Variants in LRRC51 observed in about 807,000 individuals in gnomAD.
LRRC51 encodes leucine rich repeat containing 51, also known as leucine-rich repeat-containing protein 51.
LRRC51 carries 8 observed loss-of-function variants against 17.8 expected under a neutral mutation model. The ratio of observed to expected loss-of-function variants is 0.45; its 90% CI spans 0.26 to 0.81. The LOEUF is 0.81. Among genes scored for constraint, LRRC51 ranks in the 30% least tolerant of loss-of-function variants. LRRC51 has a pLI of 0.17. For missense variants in LRRC51, 233 were observed against 239.3 expected, an observed-to-expected ratio of 0.97 and a Z score of 0.17; for synonymous variants, 92 against 96.0, an observed-to-expected ratio of 0.96 and a Z score of 0.24.
At chr11:72,094,284 CAAA>C (rs1280494529) in intron 4 of LRRC51, among the ~76,000 whole-genome samples, 6 of 81,274 alleles carry the variant, frequency 7.4e-5, no homozygotes, top group Non-Finnish European at 7.8e-5. Flanking sequence ...GACTCCGTCT[CAAA>C]AAAAAAAAAA....
chr11:72,092,004 T>A (rs1944890925), intron 3 of LRRC51, among the ~76,000 whole-genome samples: 1 of 152,218 alleles, frequency 6.6e-6, no homozygotes, highest in South Asian at 2.1e-4. Context: ...TTTCAGTCCT[T>A]ACCTCCCTGG....
At chr11:72,084,947 T>G (rs1270525138) in intron 1 of LRRC51, among the ~76,000 whole-genome samples, 1 of 149,724 alleles carries the variant, frequency 6.7e-6, no homozygotes, top group African/African-American at 2.5e-5. Flanking sequence ...ATTCCCAAAC[T>G]GTTAATGGAG....
Position 72,094,951 on chromosome 11 carries a change from C to T in LRRC51, c.292C>T (p.Leu98=). The change falls in exon 5 of 6, where the codon CTA becomes TTA. Residue 98 remains leucine, a synonymous_variant. Coordinates refer to ENST00000289488, the MANE Select transcript of LRRC51 (RefSeq NM_145309.6). ...FNDLTSIDPV[L]TTFFNLSVLY... ...TTTTGGTTTCCCTCCCCAACAGGTC[C>T]TAACAACTTTCTTCAACCTGAGTGT... 6.2e-7 allele frequency: 1 copy of T among 1,614,068 alleles called. No homozygotes were observed. The highest frequency in any genetic ancestry group is 1.1e-5 in the South Asian group (1 of 91,048).
At chr11:72,093,019 TTTTG>T (rs368394228) in intron 3 of LRRC51, among the ~76,000 whole-genome samples, 344 of 152,350 alleles carry the variant, frequency 2.3e-3, no homozygotes, top group Non-Finnish European at 3.5e-3. Context: ...CTGTCTCTCA[TTTTG>T]TTTATCACTG....
At position 72,095,678 on chromosome 11, in the gene LRRC51, T is replaced by A; in HGVS notation, c.*158T>A. ...AAGTAGCTCTAGCCTTTTCTTTTCT[T>A]TTTTTTTTTTTTGAGACGGAGTCTC... is the stretch of plus-strand genomic sequence containing the variant. On this transcript the variant is annotated 3_prime_UTR_variant, in exon 6 of 6. Transcript: ENST00000289488. 2.0e-6 allele frequency: 2 copies of A among 1,025,232 alleles called. No individual in the cohort carries two copies. Among genetic ancestry groups the A allele is most frequent in the Non-Finnish European group, 1.3e-6 (1 of 796,982 alleles). 63.5% of individuals were successfully genotyped at this position (1,025,232 alleles called of 1,614,324 possible).
intron 3 of LRRC51, chr11:72,089,410 T>TA (rs1477159474): frequency 1.4e-6 from 2 of 1,442,018 alleles, no homozygotes. Flanking sequence ...TTGTTTTTTT[T>TA]AAGCAGCAAA....
At position 72,095,785 on chromosome 11, in the gene LRRC51, G is replaced by T. The variant is rs977710461; in HGVS notation, c.*265G>T. 24 of 709,050 alleles carry T rather than the reference G, an allele frequency of 3.4e-5. No homozygotes were observed. The highest frequency in any genetic ancestry group is 5.0e-5 in the Non-Finnish European group (24 of 482,086). The allele number at this position is 709,050 out of a possible 1,614,324, so 43.9% of individuals were successfully genotyped here. A position where few individuals can be genotyped will look rare whatever the true frequency, so the allele number is the denominator to read the frequency against. On this transcript the variant is annotated 3_prime_UTR_variant, in exon 6 of 6. Transcript: ENST00000289488. ...CCTCCCAGGTTCAAGAGATTCTCCT[G>T]CCTCAGCCTCCCCAGTAGCTGTGAT... is the stretch of plus-strand genomic sequence containing the variant.
At position 72,095,526 on chromosome 11, in the gene LRRC51, C is replaced by T; in HGVS notation, c.*6C>T. 6.2e-7 allele frequency: 1 copy of T among 1,613,294 alleles called. No individual in the cohort carries two copies. Among genetic ancestry groups the T allele is most frequent in the Non-Finnish European group, 8.5e-7 (1 of 1,179,582 alleles). ...CCAAGCAGAATACACTTTGAGGCTCCCACGACCCTAGTAGTCCTAAAGGCC... is the reference window on the plus strand; with the variant it reads ...CCAAGCAGAATACACTTTGAGGCTCTCACGACCCTAGTAGTCCTAAAGGCC... On this transcript the variant is annotated 3_prime_UTR_variant, in exon 6 of 6. Transcript: ENST00000289488.
Position 72,083,385 on chromosome 11 carries a change from G to C in LRRC51, c.-140+2500G>C, listed in dbSNP as rs532855898. Among the ~76,000 whole-genome samples, 3 of 152,218 alleles carry C rather than the reference G, an allele frequency of 2.0e-5. No individual in the cohort carries two copies. The East Asian group carries it at 5.8e-4, about 29-fold the overall frequency. ...CACCCCCTACCCCATAAGTTAATTT[G>C]TACTTATCCTTTAGATTTCTCTCAG... On this transcript the variant is annotated intron_variant, in intron 1 of 5. Coordinates refer to ENST00000289488, the MANE Select transcript of LRRC51 (RefSeq NM_145309.6).
At chr11:72,085,934 T>C (rs1944507209) in intron 1 of LRRC51, 1 of 153,670 alleles carries the variant, frequency 6.5e-6, no homozygotes, top group African/African-American at 2.4e-5. Flanking sequence ...TCAGCCATGT[T>C]CTCATGGCAC....
At position 72,095,466 on chromosome 11, in the gene LRRC51, G is replaced by T. The variant is rs1945136698; in HGVS notation, c.525G>T (p.Trp175Cys). The T allele has an allele frequency of 3.1e-6, 5 of 1,614,096 alleles. No individual in the cohort carries two copies. The highest frequency in any genetic ancestry group is 3.4e-6 in the Non-Finnish European group (4 of 1,180,024). The change falls in exon 6 of 6, where the codon TGG becomes TGT. Residue 175 changes from tryptophan (W) to cysteine (C), a missense_variant. Physicochemically the swap from Trp to Cys is radical, Grantham distance 215 (BLOSUM62 -2). Transcript: ENST00000289488. ...TKADRTTAEV[W>C]KRMNIKPKKA... ...CAGACCGCACCACAGCTGAAGTCTG[G>T]AAACGCATGAACATCAAGCCCAAGA...
rs777426979 is a variant in LRRC51 at position 72,095,102 on chromosome 11, T to C, written c.437+6T>C. ...GAGGAAGAGAAAGGGTATAGGTAAGTGCCCTGCCCCTGGAGGTAGCGTCTA... is the reference window on the plus strand; with the variant it reads ...GAGGAAGAGAAAGGGTATAGGTAAGCGCCCTGCCCCTGGAGGTAGCGTCTA... On this transcript the variant is annotated splice_donor_region_variant and intron_variant, in intron 5 of 5. Transcript: ENST00000289488. 2 of 1,613,302 alleles carry C rather than the reference T, an allele frequency of 1.2e-6. 1 individual carries two copies. Among genetic ancestry groups the C allele is most frequent in the Admixed American group, 3.3e-5 (2 of 59,966 alleles).
intron 1 of LRRC51, among the ~76,000 whole-genome samples, chr11:72,084,977 A>G (rs994975585): frequency 2.7e-5 from 4 of 150,816 alleles, no homozygotes; most frequent in Admixed American, 1.3e-4. Flanking sequence ...TTGAGTTTCT[A>G]TTTGATGTAC....
At chr11:72,089,728 G>C in intron 3 of LRRC51, 2 of 531,210 alleles carry the variant, frequency 3.8e-6, no homozygotes, top group Non-Finnish European at 5.4e-6. Flanking sequence ...ACTCATTCCA[G>C]CCAAATCCAA....
chr11:72,088,539 T>A lies in LRRC51; in HGVS notation c.-56+159T>A, dbSNP rs539782834. The A allele has an allele frequency of 9.0e-5, 58 of 642,412 alleles. No individual in the cohort carries two copies. The East Asian group carries it at 1.5e-3, about 17-fold the overall frequency. 39.8% of individuals were successfully genotyped at this position (642,412 alleles called of 1,614,324 possible). A position where few individuals can be genotyped will look rare whatever the true frequency, so the allele number is the denominator to read the frequency against. ...TGGCAAATCCCCAGCTGGGCCAGAC[T>A]GAGAGGGGTGGTGAGACACCAACCA... On this transcript the variant is annotated intron_variant, in intron 2 of 5. Transcript: ENST00000289488.
chr11:72,088,279 T>A lies in LRRC51; in HGVS notation c.-139-18T>A, dbSNP rs1443455797. ...CATTGCAAGTGACTGATAACAACAT[T>A]GTGTTCATCCCTGTCAGGGAGTATT... is the stretch of plus-strand genomic sequence containing the variant. On this transcript the variant is annotated intron_variant, in intron 1 of 5. Transcript: ENST00000289488. The A allele has an allele frequency of 1.5e-6, 1 of 684,440 alleles. No individual in the cohort carries two copies. The highest frequency in any genetic ancestry group is 2.7e-6 in the Non-Finnish European group (1 of 375,834). The allele number at this position is 684,440 out of a possible 1,614,324, so 42.4% of individuals were successfully genotyped here.
At position 72,096,695 on chromosome 11, in the gene LRRC51, A is replaced by G; in HGVS notation, c.*1175A>G. On this transcript the variant is annotated 3_prime_UTR_variant, in exon 6 of 6. Transcript: ENST00000289488. ...AGCTTAGAGATTTGGGGGTTAAAGTAGATCAGTAATTTCCAAACTCTTCAC... is the reference window on the plus strand; with the variant it reads ...AGCTTAGAGATTTGGGGGTTAAAGTGGATCAGTAATTTCCAAACTCTTCAC... The G allele has an allele frequency of 1.3e-6, 2 of 1,548,622 alleles. No homozygotes were observed. The highest frequency in any genetic ancestry group is 8.7e-7 in the Non-Finnish European group (1 of 1,145,516).
chr11:72,085,621 A>T (rs1215646263), intron 1 of LRRC51: 1 of 152,204 alleles, frequency 6.6e-6, no homozygotes, highest in Non-Finnish European at 1.5e-5. Flanking sequence ...CTGTAATAAA[A>T]TTTTGTTTGA....
Position 72,095,670 on chromosome 11 carries a change from TC to T in LRRC51, c.*151del. 1.3e-6 allele frequency: 2 copies of T among 1,498,286 alleles called. No homozygotes were observed. The highest frequency in any genetic ancestry group is 2.6e-5 in the South Asian group (2 of 77,480). 92.8% of individuals were successfully genotyped at this position (1,498,286 alleles called of 1,614,324 possible). A position where few individuals can be genotyped will look rare whatever the true frequency, so the allele number is the denominator to read the frequency against. On this transcript the variant is annotated 3_prime_UTR_variant, in exon 6 of 6. Transcript: ENST00000289488. ...GCAACTGCAAGTAGCTCTAGCCTTTTCTTTTCTTTTTTTTTTTTTTGAGACG... is the reference window on the plus strand; with the variant it reads ...GCAACTGCAAGTAGCTCTAGCCTTTTTTTTCTTTTTTTTTTTTTTGAGACG...
Sources: allele counts gnomAD v4.1 joint callset (sites outside exome capture counted in the v4.1 genomes callset), GRCh38; gene constraint gnomAD v4.1.1; transcripts MANE v1.5; gene names NCBI Gene and HGNC (gene_info 2026-07-23, HGNC 2026-07-21).